The following PDE3B variants were observed in gnomAD, a reference collection of about 807,000 sequenced individuals.
PDE3B encodes cGMP-inhibited 3',5'-cyclic phosphodiesterase 3B.
In PDE3B, 66 loss-of-function variants were observed where a neutral mutation model predicts 116.8. The ratio of observed to expected loss-of-function variants is 0.56; its 90% CI spans 0.46 to 0.69. PDE3B has a LOEUF of 0.69. PDE3B is among the 30% of genes least tolerant of loss of function. PDE3B has a pLI of 0.00. For synonymous variants in PDE3B, 595 were observed against 533.6 expected (o/e 1.12, Z -1.59); for missense variants, 1,384 against 1,368.1 (o/e 1.01, Z -0.18).
chr11:14,887,426 T>C, the PDE3B span: 1 of 200,254 alleles, frequency 5.0e-6, no homozygotes, highest in Admixed American at 6.5e-5. Context: ...CTAGTATGTA[T>C]TCCTGTATAC....
intron 1 of PDE3B, 23 bp downstream of exon 1, chr11:14,645,076 T>A (rs1853353345): frequency 6.6e-6 from 10 of 1,520,742 alleles, no homozygotes; most frequent in Non-Finnish European, 8.8e-6. Context: ...GAAGGCGAGG[T>A]CTGGGACGCG....
Position 14,644,369 on chromosome 11 carries a change from C to T in PDE3B, c.294C>T (p.Pro98=), listed in dbSNP as rs750788292. 1.6e-5 allele frequency: 26 copies of T among 1,597,236 alleles called. No homozygotes were observed. Among genetic ancestry groups the T allele is most frequent in the East Asian group, 2.3e-5 (1 of 43,362 alleles). The change falls in exon 1 of 16, where the codon CCC becomes CCT. Residue 98 remains proline, a synonymous_variant. Transcript: ENST00000282096. ...TCGCCCTGCTGCTGGGCGCGGAACCCGAGAGCTGGGCTGCCGGGGCCGCCT... is the reference window on the plus strand; with the variant it reads ...TCGCCCTGCTGCTGGGCGCGGAACCTGAGAGCTGGGCTGCCGGGGCCGCCT... ...FVLALLLGAE[P]ESWAAGAAWL...
intron 7 of PDE3B, 23 bp from the exon 8 acceptor site, chr11:14,830,675 T>A (rs1859850598): frequency 1.6e-6 from 2 of 1,220,498 alleles, no homozygotes; most frequent in South Asian, 3.5e-5. Context: ...CTCCTATATA[T>A]TACTATATAT....
At chr11:14,788,331 T>G (rs1168104601) in intron 3 of PDE3B, among the ~76,000 whole-genome samples, 1 of 151,928 alleles carries the variant, frequency 6.6e-6, no homozygotes, top group Non-Finnish European at 1.5e-5. Flanking sequence ...CATATGAACC[T>G]AAATGACACT....
At chr11:14,649,950 TG>T (rs989552741) in intron 1 of PDE3B, among the ~76,000 whole-genome samples, 3 of 152,224 alleles carry the variant, frequency 2.0e-5, no homozygotes, top group African/African-American at 7.2e-5. Context: ...TTTATAACAT[TG>T]ACTTGTTGTT....
Position 14,644,425 on chromosome 11 carries a change from A to C in PDE3B, c.350A>C (p.His117Pro). Residue 117 changes from histidine (H) to proline (P), a missense_variant, in exon 1 of 16, where the codon CAC becomes CCC. By Grantham distance (77) the His-to-Pro change is moderately conservative. Transcript: ENST00000282096. ...CGGACGCTGCTGAGCGTGTGTTCGC[A>C]CAGCTTGAGCCCCCTCTTCAGCATC... is the stretch of plus-strand genomic sequence containing the variant. ...WLRTLLSVCS[H>P]SLSPLFSIAC... 6.2e-7 allele frequency: 1 copy of C among 1,611,830 alleles called. No homozygotes were observed.
chr11:14,851,509 GGTGTGT>G (rs35913217), intron 12 of PDE3B, among the ~76,000 whole-genome samples: 1 of 148,446 alleles, frequency 6.7e-6, no homozygotes, highest in Non-Finnish European at 1.5e-5. Flanking sequence ...GGTATAATGG[GGTGTGT>G]GTGTGTGTGT....
intron 12 of PDE3B, among the ~76,000 whole-genome samples, chr11:14,858,666 C>G (rs868919137): frequency 6.6e-6 from 1 of 152,186 alleles, no homozygotes; most frequent in Non-Finnish European, 1.5e-5. Context: ...GAAACCTGCT[C>G]TAGATCCCTA....
At chr11:14,817,729 C>G (rs989899020) in intron 5 of PDE3B, among the ~76,000 whole-genome samples, 1 of 151,836 alleles carries the variant, frequency 6.6e-6, no homozygotes. Context: ...AAATGAGACC[C>G]CATCTCACAG....
chr11:14,811,872 G>A (rs575381789), intron 5 of PDE3B, among the ~76,000 whole-genome samples: 1 of 152,114 alleles, frequency 6.6e-6, no homozygotes, highest in African/African-American at 2.4e-5. Flanking sequence ...TTGTAAGTTG[G>A]ATTCCTAGGT....
intron 1 of PDE3B, among the ~76,000 whole-genome samples, chr11:14,724,754 GGAGT>G (rs1366956728): frequency 6.6e-6 from 1 of 152,070 alleles, no homozygotes; most frequent in Non-Finnish European, 1.5e-5. Flanking sequence ...CTTGTGAGAG[GGAGT>G]GAGAAGAGAA....
intron 1 of PDE3B, among the ~76,000 whole-genome samples, chr11:14,751,147 C>T (rs1390033686): frequency 6.6e-6 from 1 of 152,112 alleles, no homozygotes; most frequent in Non-Finnish European, 1.5e-5. Flanking sequence ...TGCAAGCTGC[C>T]TGGCACTGTT....
intron 1 of PDE3B, among the ~76,000 whole-genome samples, chr11:14,749,352 A>C (rs1856995936): frequency 6.6e-6 from 1 of 152,220 alleles, no homozygotes; most frequent in South Asian, 2.1e-4. Flanking sequence ...AAGCTAGCTT[A>C]TGCAGGTACT....
intron 15 of PDE3B, 78 bp from the exon 16 acceptor site, chr11:14,869,383 T>C: frequency 8.5e-7 from 1 of 1,182,486 alleles, no homozygotes; most frequent in Non-Finnish European, 1.2e-6. Flanking sequence ...CTTAGATACC[T>C]AGAATAGGCA....
At chr11:14,700,312 G>A in intron 1 of PDE3B, among the ~76,000 whole-genome samples, 1 of 151,700 alleles carries the variant, frequency 6.6e-6, no homozygotes, top group East Asian at 1.9e-4. Flanking sequence ...ATATTTGGAT[G>A]ATCAGTATAT....
chr11:14,869,864 A>G lies in PDE3B; in HGVS notation c.*204A>G, dbSNP rs1162827898. On this transcript the variant is annotated 3_prime_UTR_variant, in exon 16 of 16. Coordinates refer to ENST00000282096, the MANE Select transcript of PDE3B (RefSeq NM_000922.4). The stretch of plus-strand genomic sequence containing the variant: ...CACAGGAACTAGAAAACTATTCTTA[A>G]ACCAAAAATACCATCCGTGTTGACC... 3.9e-6 allele frequency: 2 copies of G among 507,080 alleles called. No homozygotes were observed. Among genetic ancestry groups the G allele is most frequent in the Non-Finnish European group, 6.9e-6 (2 of 287,776 alleles). 31.4% of individuals were successfully genotyped at this position (507,080 alleles called of 1,614,324 possible). A position where few individuals can be genotyped will look rare whatever the true frequency, so the allele number is the denominator to read the frequency against.
At chr11:14,684,389 A>G (rs185674365) in intron 1 of PDE3B, among the ~76,000 whole-genome samples, 1 of 152,308 alleles carries the variant, frequency 6.6e-6, no homozygotes, top group East Asian at 1.9e-4. Context: ...GAGGGGGTAC[A>G]AGAACAGGGA....
At chr11:14,723,332 A>C (rs1221973407) in intron 1 of PDE3B, among the ~76,000 whole-genome samples, 1 of 152,194 alleles carries the variant, frequency 6.6e-6, no homozygotes, top group Non-Finnish European at 1.5e-5. Context: ...TGGTGAGCAA[A>C]GGGAGACAGA....
intron 2 of PDE3B, among the ~76,000 whole-genome samples, chr11:14,786,068 A>ACAAATT (rs1035007138): frequency 1.3e-5 from 2 of 152,100 alleles, no homozygotes; most frequent in African/African-American, 4.8e-5. Context: ...AAATTCAGGT[A>ACAAATT]TGTTTGCTAC....
Sources: gnomAD v4.1 joint callset for allele counts (sites outside exome capture counted in the v4.1 genomes callset) on GRCh38, gnomAD v4.1.1 for gene constraint, MANE v1.5 for transcripts, NCBI Gene and HGNC (gene_info 2026-07-23, HGNC 2026-07-21) for gene names.